Variants in ZNF292 observed in about 807,000 individuals in gnomAD.
The protein encoded by ZNF292 is zinc finger protein 292, also known as 16 zinc-finger domain protein.
In ZNF292, 26 loss-of-function variants were observed where a neutral mutation model predicts 217.9. The observed-to-expected ratio is 0.12, with a 90% CI of 0.09 to 0.17. The LOEUF (loss-of-function observed/expected upper bound fraction) is 0.17. ZNF292 is among the 10% of genes least tolerant of loss of function. The pLI is 1.00. For synonymous variants in ZNF292, 1,257 were observed against 1,124.1 expected (o/e 1.12, Z -2.37); for missense variants, 2,904 against 3,175.2 (o/e 0.91, Z 2.05).
intron 5 of ZNF292, among the ~76,000 whole-genome samples, chr6:87,238,450 C>T (rs1774007834): frequency 6.7e-6 from 1 of 149,904 alleles, no homozygotes; most frequent in African/African-American, 2.5e-5. Context: ...CGCACCATTG[C>T]ACTCCAGCCT....
chr6:87,159,097 A>C (rs1296289232), intron 1 of ZNF292, among the ~76,000 whole-genome samples: 1 of 152,256 alleles, frequency 6.6e-6, no homozygotes, highest in Non-Finnish European at 1.5e-5. Context: ...AAACCCACAG[A>C]AACAGGAGTT....
In ZNF292 at chr6:87,256,874, A is replaced by G; in HGVS notation, c.3245A>G (p.Asn1082Ser). The G allele has an allele frequency of 6.2e-7, 1 of 1,613,898 alleles. No homozygotes were observed. Among genetic ancestry groups the G allele is most frequent in the South Asian group, 1.1e-5 (1 of 91,082 alleles). ...GTTCCACCGCAGTCCGACCTAAGTA[A>G]TTCATTAGGAACTCCATCAGTGCCT... ...AFVPPQSDLS[N>S]SLGTPSVPPK... Residue 1082 changes from asparagine (N) to serine (S), a missense_variant, in exon 8 of 8, where the codon AAT (asparagine) becomes AGT (serine). Asn to Ser is a conservative substitution (Grantham distance 46). Transcript: ENST00000369577.
At chr6:87,174,686 T>TA (rs1294060117) in intron 1 of ZNF292, among the ~76,000 whole-genome samples, 6 of 152,328 alleles carry the variant, frequency 3.9e-5, no homozygotes, top group East Asian at 1.9e-4. Context: ...TTTAAAGACT[T>TA]ACGCTGCTTA....
In ZNF292 at chr6:87,255,472, A is replaced by T; in HGVS notation, c.1843A>T (p.Ile615Phe). 6.2e-7 allele frequency: 1 copy of T among 1,613,652 alleles called. No individual in the cohort carries two copies. Among genetic ancestry groups the T allele is most frequent in the Non-Finnish European group, 8.5e-7 (1 of 1,179,796 alleles). The change falls in exon 8 of 8, where the codon ATC (isoleucine) becomes TTC (phenylalanine). Residue 615 changes from isoleucine (I) to phenylalanine (F), a missense_variant. Ile to Phe is a conservative substitution (Grantham distance 21, BLOSUM62 0). Coordinates refer to ENST00000369577, the MANE Select transcript of ZNF292 (RefSeq NM_015021.3). The stretch of plus-strand genomic sequence containing the variant: ...AAGAAGATTGGGAAGGCCTCCAAAG[A>T]TCACAACTACCAATGAAAATCAGAA... ...PLRRLGRPPK[I>F]TTTNENQKTN...
chr6:87,255,455 T>G lies in ZNF292; in HGVS notation c.1826T>G (p.Leu609Trp), dbSNP rs780858512. The stretch of plus-strand genomic sequence containing the variant: ...GCAGCTATGAAACCATTAAGAAGAT[T>G]GGGAAGGCCTCCAAAGATCACAACT... The part of the protein sequence containing the change: ...RLAAMKPLRR[L>W]GRPPKITTTN... Residue 609 changes from leucine to tryptophan, a missense_variant, in exon 8 of 8, where the codon TTG (leucine) becomes TGG (tryptophan). Leu to Trp is a moderately conservative substitution (Grantham distance 61). This residue lies in a region of ZNF292 where 216 missense variants were observed against 308.3 expected (regional missense o/e 0.70). Coordinates refer to ENST00000369577, the MANE Select transcript of ZNF292 (RefSeq NM_015021.3). 3 of 1,613,656 alleles carry G rather than the reference T, an allele frequency of 1.9e-6. No homozygotes were observed. Among genetic ancestry groups the G allele is most frequent in the South Asian group, 1.1e-5 (1 of 91,058 alleles).
At chr6:87,223,419 A>C (rs1582448399) in intron 4 of ZNF292, 1 of 152,206 alleles carries the variant, frequency 6.6e-6, no homozygotes, top group Non-Finnish European at 1.5e-5. Context: ...TAGACCACCT[A>C]GCTGTGGCAG....
Position 87,265,425 on chromosome 6 carries a change from T to G in ZNF292, c.*3624T>G, listed in dbSNP as rs564732690. On this transcript the variant is annotated 3_prime_UTR_variant, in exon 8 of 8. Transcript: ENST00000369577. ...TTTAGTAGAGACGGTTTCACCATGT[T>G]GGCCAGGCTGGTCTTGAACTCCTGA... Among the ~76,000 whole-genome samples the G allele has an allele frequency of 1.6e-4, 24 of 152,280 alleles. No individual in the cohort carries two copies. The highest frequency in any genetic ancestry group is 1.2e-3 in the South Asian group (6 of 4,824).
At chr6:87,225,064 A>G (rs2127813400) in intron 4 of ZNF292, among the ~76,000 whole-genome samples, 1 of 152,332 alleles carries the variant, frequency 6.6e-6, no homozygotes, top group East Asian at 1.9e-4. Context: ...TCTAATAGGC[A>G]TGTAGTGATA....
At chr6:87,196,147 A>G (rs2127786178) in intron 1 of ZNF292, among the ~76,000 whole-genome samples, 1 of 152,340 alleles carries the variant, frequency 6.6e-6, no homozygotes, top group South Asian at 2.1e-4. Context: ...AAGATATGGA[A>G]CAAGCATCTC....
intron 7 of ZNF292, among the ~76,000 whole-genome samples, chr6:87,250,460 G>GA (rs942289215): frequency 8.6e-5 from 13 of 150,820 alleles, no homozygotes; most frequent in Admixed American, 1.3e-4. Context: ...AAAAGAAAAG[G>GA]AAAAAAAAAT....
At chr6:87,224,463 CA>C (rs1773240560) in intron 4 of ZNF292, among the ~76,000 whole-genome samples, 2 of 150,446 alleles carry the variant, frequency 1.3e-5, no homozygotes. Flanking sequence ...AAAAAAACAA[CA>C]AAAAAACTGT....
Position 87,260,929 on chromosome 6 carries a change from C to G in ZNF292, c.7300C>G (p.Gln2434Glu), listed in dbSNP as rs200594602. ...LIVFKRCCNS[Q>E]VKETSEQEGA... ...TGTATTCAAACGGTGTTGCAACTCA[C>G]AAGTAAAGGAAACGTCTGAGCAAGA... Residue 2434 changes from glutamine to glutamate, a missense_variant, in exon 8 of 8, where the codon CAA (glutamine) becomes GAA (glutamate). Gln to Glu is a conservative substitution (Grantham distance 29). Transcript: ENST00000369577. 1.4e-5 allele frequency: 23 copies of G among 1,610,850 alleles called. No homozygotes were observed. Among genetic ancestry groups the G allele is most frequent in the Non-Finnish European group, 1.9e-5 (22 of 1,178,466 alleles).
chr6:87,194,280 C>T (rs1279114179), intron 1 of ZNF292, among the ~76,000 whole-genome samples: 1 of 151,956 alleles, frequency 6.6e-6, no homozygotes, highest in Non-Finnish European at 1.5e-5. Flanking sequence ...AATTTGAGTT[C>T]ACTCTTAGAC....
In ZNF292 at chr6:87,263,062, A is replaced by G. The variant is rs1479224106; in HGVS notation, c.*1261A>G. ...CATATCTAATGATACTTTTTTCATT[A>G]GATTGGTCTTCAAGAACAGTATTAG... On this transcript the variant is annotated 3_prime_UTR_variant, in exon 8 of 8. Transcript: ENST00000369577. 6.6e-6 allele frequency: 1 copy of G among 151,998 alleles called. No individual in the cohort carries two copies. Among genetic ancestry groups the G allele is most frequent in the Non-Finnish European group, 1.5e-5 (1 of 67,894 alleles). 9.4% of individuals were successfully genotyped at this position (151,998 alleles called of 1,614,324 possible).
intron 4 of ZNF292, among the ~76,000 whole-genome samples, chr6:87,232,600 G>T (rs1159392557): frequency 4.6e-5 from 7 of 152,060 alleles, no homozygotes; most frequent in Non-Finnish European, 1.0e-4. Context: ...ATTTGTAGAT[G>T]ACCAAACAAG....
At chr6:87,171,679 G>A (rs1222970561) in intron 1 of ZNF292, among the ~76,000 whole-genome samples, 1 of 152,008 alleles carries the variant, frequency 6.6e-6, no homozygotes, top group Non-Finnish European at 1.5e-5. Context: ...AGTCTTTTTT[G>A]TACATCTTCA....
chr6:87,191,344 G>A (rs1562131174), intron 1 of ZNF292, among the ~76,000 whole-genome samples: 1 of 152,024 alleles, frequency 6.6e-6, no homozygotes. Flanking sequence ...TTTCTGTTGG[G>A]CCACATTCAG....
chr6:87,220,025 C>G lies in ZNF292; in HGVS notation c.538+1294C>G, dbSNP rs562962196. Among the ~76,000 whole-genome samples, 9 of 152,230 alleles carry G rather than the reference C, an allele frequency of 5.9e-5. No homozygotes were observed. In the East Asian group the frequency reaches 9.7e-4, roughly 16 times the overall value. The stretch of plus-strand genomic sequence containing the variant: ...TATTTTTTGTAGAGACAGGGTCTCC[C>G]TGTGTTACCCAGGCTGGTCTCGAAC... On this transcript the variant is annotated intron_variant, in intron 4 of 7. Transcript: ENST00000369577.
At chr6:87,156,251 G>T (rs1352437531) in intron 1 of ZNF292, among the ~76,000 whole-genome samples, 2 of 152,184 alleles carry the variant, frequency 1.3e-5, no homozygotes, top group Non-Finnish European at 2.9e-5. Flanking sequence ...GCCCTGTCCT[G>T]GCTGTCTCCG....
Sources: allele counts gnomAD v4.1 joint callset (sites outside exome capture counted in the v4.1 genomes callset), GRCh38; gene constraint gnomAD v4.1.1; regional missense constraint gnomAD v4.1.1; transcripts MANE v1.5; gene names NCBI Gene and HGNC (gene_info 2026-07-23, HGNC 2026-07-21).